SCG5: variants seen among roughly 807,000 people sequenced by gnomAD.
SCG5 encodes secretogranin V, also known as neuroendocrine protein 7B2.
In SCG5, 18 loss-of-function variants were observed where a neutral mutation model predicts 25.7. The observed-to-expected ratio is 0.70, with a 90% CI of 0.48 to 1.04. The LOEUF is 1.04. Ranked by LOEUF, SCG5 falls within the 50% of genes least tolerant of loss-of-function variation. The pLI, the probability that SCG5 is intolerant of heterozygous loss-of-function variation, is 0.00. For synonymous variants in SCG5, 101 were observed against 91.7 expected, an observed-to-expected ratio of 1.10 and a Z score of -0.58; for missense variants, 206 against 259.8, an observed-to-expected ratio of 0.79 and a Z score of 1.42.
At chr15:32,647,620 A>G (rs994896447) in intron 2 of SCG5, among the ~76,000 whole-genome samples, 2 of 152,112 alleles carry the variant, frequency 1.3e-5, no homozygotes, top group Admixed American at 1.3e-4. Context: ...CTCACATGCC[A>G]ATTGTACTTC....
rs577886496 is a variant in SCG5 at position 32,650,683 on chromosome 15, AT to A, written c.226+6866del. ...TGATGATGGCCTTGGATGGCCTTGG[AT>A]GAATCCAACCAGAAAATGTGCTTTC... On this transcript the variant is annotated intron_variant, in intron 2 of 5. Transcript: ENST00000300175. 5.9e-4 allele frequency among the ~76,000 whole-genome samples: 90 copies of A among 152,286 alleles called. 3 individuals carry two copies. In the East Asian group the frequency reaches 0.017, roughly 29 times the overall value.
At chr15:32,695,231 G>T (rs2054935962) in intron 5 of SCG5, among the ~76,000 whole-genome samples, 1 of 151,974 alleles carries the variant, frequency 6.6e-6, no homozygotes, top group South Asian at 2.1e-4. Context: ...TAGCCAGGAT[G>T]GTCTCGATCT....
intron 2 of SCG5, among the ~76,000 whole-genome samples, chr15:32,658,582 G>A (rs539629042): frequency 6.6e-6 from 1 of 152,198 alleles, no homozygotes; most frequent in African/African-American, 2.4e-5. Context: ...GAGCATCTGG[G>A]CACAGTGGCA....
intron 4 of SCG5, among the ~76,000 whole-genome samples, chr15:32,690,274 A>T (rs1335871007): frequency 1.3e-5 from 2 of 152,052 alleles, no homozygotes; most frequent in Non-Finnish European, 2.9e-5. Flanking sequence ...GTTCTTCCAC[A>T]CTCCATCCAG....
At chr15:32,662,748 A>G (rs905339881) in intron 2 of SCG5, among the ~76,000 whole-genome samples, 1 of 152,018 alleles carries the variant, frequency 6.6e-6, no homozygotes, top group Admixed American at 6.6e-5. Context: ...AAGAGGGAAG[A>G]ATGGCGAGAG....
At chr15:32,658,270 A>C (rs986426060) in intron 2 of SCG5, among the ~76,000 whole-genome samples, 2 of 152,052 alleles carry the variant, frequency 1.3e-5, no homozygotes, top group Non-Finnish European at 2.9e-5. Flanking sequence ...CTTAAAATGC[A>C]TAGCTGCAAC....
At chr15:32,696,421 A>G (rs1388788448) in intron 5 of SCG5, 93 bp from the exon 6 acceptor site, 2 of 956,378 alleles carry the variant, frequency 2.1e-6, no homozygotes, top group East Asian at 5.3e-5. Context: ...CCGGCCCCAG[A>G]AACGATTCTT....
At chr15:32,684,103 G>A (rs181264818) in intron 3 of SCG5, among the ~76,000 whole-genome samples, 1 of 152,326 alleles carries the variant, frequency 6.6e-6, no homozygotes, top group East Asian at 1.9e-4. Context: ...CAGTTGCCCT[G>A]GCAACATGTA....
chr15:32,687,231 C>T (rs2054730450), intron 4 of SCG5, among the ~76,000 whole-genome samples: 1 of 152,114 alleles, frequency 6.6e-6, no homozygotes, highest in African/African-American at 2.4e-5. Flanking sequence ...TTCCAGTGCC[C>T]CAGTATGAGG....
At chr15:32,694,896 T>A (rs16968154) in intron 5 of SCG5, among the ~76,000 whole-genome samples, 11,149 of 152,318 alleles carry the variant, frequency 0.073, 470 homozygotes, top group African/African-American at 0.11. Flanking sequence ...TCAAGAGTCA[T>A]GGCAGGTTAT....
chr15:32,671,699 G>GA (rs36107704), intron 2 of SCG5, among the ~76,000 whole-genome samples: 4,625 of 143,662 alleles, frequency 0.032, 204 homozygotes, highest in East Asian at 0.17. Context: ...CTCAAGTAGT[G>GA]AAAAAAAAAA....
Position 32,643,799 on chromosome 15 carries a change from G to A in SCG5, c.207G>A (p.Val69=). Residue 69 remains valine, a synonymous_variant, in exon 2 of 6, where the codon GTG becomes GTA. Transcript: ENST00000300175. ...EYPAHQAMNL[V]GPQSIEGGAH... ...CAGCTCACCAGGCCATGAATCTTGT[G>A]GGCCCCCAGAGCATTGAAGGTATTT... The A allele has an allele frequency of 1.2e-6, 2 of 1,613,612 alleles. No homozygotes were observed. Among genetic ancestry groups the A allele is most frequent in the Non-Finnish European group, 1.7e-6 (2 of 1,179,846 alleles).
At chr15:32,676,564 C>A (rs185733413) in intron 2 of SCG5, among the ~76,000 whole-genome samples, 1 of 152,268 alleles carries the variant, frequency 6.6e-6, no homozygotes, top group Admixed American at 6.5e-5. Context: ...ATATCAATAC[C>A]AAGTGTACTG....
At chr15:32,659,166 ACT>A (rs1308509239) in intron 2 of SCG5, among the ~76,000 whole-genome samples, 2 of 150,826 alleles carry the variant, frequency 1.3e-5, no homozygotes, top group Admixed American at 6.6e-5. Context: ...ACAGAGCGAG[ACT>A]CTGTCTCAAA....
chr15:32,664,834 A>AG (rs2054293101), intron 2 of SCG5, among the ~76,000 whole-genome samples: 1 of 152,266 alleles, frequency 6.6e-6, no homozygotes, highest in African/African-American at 2.4e-5. Flanking sequence ...TAAGGAATAC[A>AG]GAAGGGAACC....
At chr15:32,662,835 G>A (rs188615106) in intron 2 of SCG5, among the ~76,000 whole-genome samples, 2,693 of 137,134 alleles carry the variant, frequency 0.02, 40 homozygotes, top group Non-Finnish European at 0.028. Flanking sequence ...GGGACGATTT[G>A]ATGTCTCTGG....
chr15:32,674,250 C>T (rs1009465320), intron 2 of SCG5, among the ~76,000 whole-genome samples: 6 of 152,206 alleles, frequency 3.9e-5, no homozygotes, highest in African/African-American at 1.4e-4. Context: ...CTGAATACTA[C>T]ATGAAACAGC....
At chr15:32,695,059 A>C (rs1410132672) in intron 5 of SCG5, among the ~76,000 whole-genome samples, 1 of 147,956 alleles carries the variant, frequency 6.8e-6, no homozygotes. Context: ...TCTGTCGCCC[A>C]GGCTGGACTG....
At chr15:32,643,995 A>G (rs2053906405) in intron 2 of SCG5, among the ~76,000 whole-genome samples, 177 bp downstream of exon 2, 1 of 152,202 alleles carries the variant, frequency 6.6e-6, no homozygotes, top group East Asian at 1.9e-4. Context: ...TCTTCTACAC[A>G]GTGTCTACAT....
Sources: gnomAD v4.1 joint callset for allele counts (sites outside exome capture counted in the v4.1 genomes callset) on GRCh38, gnomAD v4.1.1 for gene constraint, MANE v1.5 for transcripts, NCBI Gene and HGNC (gene_info 2026-07-23, HGNC 2026-07-21) for gene names.